Variants in NUP98 observed in about 807,000 individuals in gnomAD.
NUP98 encodes the protein nuclear pore complex protein Nup98-Nup96.
Under a neutral mutation model 191.9 loss-of-function variants are expected in NUP98, and 26 were observed. The ratio of observed to expected loss-of-function variants is 0.14; its 90% confidence interval spans 0.10 to 0.19. NUP98 has a LOEUF of 0.19. Among genes scored for constraint, NUP98 ranks in the 10% least tolerant of loss-of-function variants. NUP98 has a pLI of 1.00. For missense variants in NUP98, 1,941 were observed against 2,178.8 expected (o/e 0.89, Z 2.17); for synonymous variants, 808 against 778.4 (o/e 1.04, Z -0.63).
intron 10 of NUP98, 66 bp downstream of exon 10, chr11:3,760,472 TG>T: frequency 6.2e-7 from 1 of 1,613,244 alleles, no homozygotes; most frequent in Non-Finnish European, 8.5e-7. Context: ...GAGCCAAACC[TG>T]CTTTTTATAT....
intron 7 of NUP98, among the ~76,000 whole-genome samples, chr11:3,770,324 C>CA (rs1309386991): frequency 1.3e-5 from 2 of 151,846 alleles, no homozygotes; most frequent in Admixed American, 6.6e-5. Context: ...GACTCCGTCT[C>CA]AAAAAAATAA....
At chr11:3,752,791 G>C (rs1049492183) in intron 11 of NUP98, among the ~76,000 whole-genome samples, 3 of 152,116 alleles carry the variant, frequency 2.0e-5, no homozygotes, top group African/African-American at 7.2e-5. Flanking sequence ...AAAACAGCTG[G>C]GCAGGTAGAA....
chr11:3,744,407 T>C (rs2080409912), intron 12 of NUP98, 102 bp downstream of exon 12: 4 of 1,166,532 alleles, frequency 3.4e-6, no homozygotes, highest in Middle Eastern at 2.1e-4. Context: ...CATGCATGTA[T>C]GCAATGCCTT....
intron 1 of NUP98, among the ~76,000 whole-genome samples, chr11:3,785,373 C>T (rs1209705645): frequency 6.6e-6 from 1 of 152,194 alleles, no homozygotes; most frequent in East Asian, 1.9e-4. Context: ...CACCATCACT[C>T]ATTTACATCA....
At chr11:3,704,184 T>C (rs1056398340) in intron 22 of NUP98, among the ~76,000 whole-genome samples, 2 of 152,196 alleles carry the variant, frequency 1.3e-5, no homozygotes, top group African/African-American at 4.8e-5. Flanking sequence ...AAGTTAAAAA[T>C]ATTTTTAAAA....
At chr11:3,749,006 T>A (rs991766659) in intron 11 of NUP98, among the ~76,000 whole-genome samples, 1 of 150,866 alleles carries the variant, frequency 6.6e-6, no homozygotes, top group East Asian at 1.9e-4. Flanking sequence ...ACACAAAGAA[T>A]CCTTAAAAAT....
rs1244757594 is a variant in NUP98, at chr11:3,797,513, C to T, written c.-142G>A. 9.0e-6 allele frequency: 4 copies of T among 444,368 alleles called. No individual in the cohort carries two copies. Among genetic ancestry groups the T allele is most frequent in the Non-Finnish European group, 1.6e-5 (4 of 253,170 alleles). 27.5% of individuals were successfully genotyped at this position (444,368 alleles called of 1,614,324 possible). A position where few individuals can be genotyped will look rare whatever the true frequency, so the allele number is the denominator to read the frequency against. ...GCCGCCGCCGCTACCACCCCTGCCA[C>T]CGACCGCCGCTTCGGGCGCAGCGCG... On this transcript the variant is annotated 5_prime_UTR_variant, in exon 1 of 33. It adds an upstream start codon to the 5' untranslated region. Coordinates refer to ENST00000324932, the MANE Select transcript of NUP98 (RefSeq NM_016320.5).
At chr11:3,760,686 T>C (rs374207753) in intron 9 of NUP98, 60 bp from the exon 10 acceptor site, 20 of 1,433,996 alleles carry the variant, frequency 1.4e-5, no homozygotes, top group Non-Finnish European at 1.7e-5. Context: ...CCAAACTAAA[T>C]ACAGGTTACC....
At chr11:3,718,810 T>C (rs2079281006) in intron 18 of NUP98, among the ~76,000 whole-genome samples, 1 of 152,066 alleles carries the variant, frequency 6.6e-6, no homozygotes, top group Non-Finnish European at 1.5e-5. Context: ...TTTTTGAAAT[T>C]AGCAGTTGGA....
chr11:3,777,810 C>T (rs75241673), intron 4 of NUP98, among the ~76,000 whole-genome samples: 10,914 of 152,010 alleles, frequency 0.072, 415 homozygotes, highest in Middle Eastern at 0.1. Context: ...TTAAAGCAAA[C>T]AGGCACATTT....
intron 1 of NUP98, among the ~76,000 whole-genome samples, chr11:3,792,471 T>C (rs2082388684): frequency 6.6e-6 from 1 of 151,452 alleles, no homozygotes; most frequent in South Asian, 2.1e-4. Flanking sequence ...ATTAGCCAGA[T>C]GTGGTGGTAC....
At chr11:3,779,333 T>G (rs566613032) in intron 2 of NUP98, 76 bp from the exon 3 acceptor site, 13 of 1,190,606 alleles carry the variant, frequency 1.1e-5, no homozygotes, top group African/African-American at 1.1e-4. Flanking sequence ...AAAGGCATTT[T>G]AATATTTCTT....
At position 3,706,516 on chromosome 11, in the gene NUP98, C is replaced by T; in HGVS notation, c.2854G>A (p.Glu952Lys). The T allele has an allele frequency of 6.2e-7, 1 of 1,614,122 alleles. No homozygotes were observed. Among genetic ancestry groups the T allele is most frequent in the Non-Finnish European group, 8.5e-7 (1 of 1,180,004 alleles). Residue 952 changes from glutamate (E) to lysine (K), a missense_variant, in exon 21 of 33, where the codon GAG becomes AAG. Physicochemically the swap from Glu to Lys is moderately conservative, Grantham distance 56. Transcript: ENST00000324932. ...LDTMLEESMP[E>K]DQEPVSASTH... Reference sequence around the variant, plus strand: ...GAGGCAGACACAGGTTCCTGATCCTCAGGCATGCTCTCTTCTAACATGGTA... The same window carrying T: ...GAGGCAGACACAGGTTCCTGATCCTTAGGCATGCTCTCTTCTAACATGGTA...
chr11:3,768,352 C>T (rs1055678879), intron 8 of NUP98, among the ~76,000 whole-genome samples: 7 of 148,980 alleles, frequency 4.7e-5, no homozygotes, highest in Non-Finnish European at 7.4e-5. Context: ...ACCTGGGAGG[C>T]GGAGCTTGCA....
intron 31 of NUP98, 192 bp from the exon 32 acceptor site, chr11:3,676,812 A>G (rs2077827703): frequency 1.4e-6 from 1 of 706,210 alleles, no homozygotes; most frequent in Non-Finnish European, 2.6e-6. Context: ...AGCCAAGAGG[A>G]AGGTAACACA....
intron 22 of NUP98, among the ~76,000 whole-genome samples, chr11:3,703,216 C>T (rs1353081301): frequency 9.3e-5 from 13 of 139,156 alleles, no homozygotes; most frequent in East Asian, 2.1e-4. Context: ...TCTTCAAAAA[C>T]TTTTTTTTTT....
At chr11:3,757,805 GAA>G (rs1344975744) in intron 10 of NUP98, among the ~76,000 whole-genome samples, 1 of 151,534 alleles carries the variant, frequency 6.6e-6, no homozygotes, top group Non-Finnish European at 1.5e-5. Flanking sequence ...GTCTCAAAAA[GAA>G]AGAAAAGAAA....
chr11:3,740,068 G>T (rs1047876977), intron 12 of NUP98, among the ~76,000 whole-genome samples: 9 of 152,112 alleles, frequency 5.9e-5, no homozygotes, highest in African/African-American at 1.9e-4. Context: ...AACTGTGTGG[G>T]GGTCAGCACC....
intron 6 of NUP98, 95 bp from the exon 7 acceptor site, chr11:3,772,023 G>A: frequency 9.9e-7 from 1 of 1,011,468 alleles, no homozygotes; most frequent in Non-Finnish European, 1.5e-6. Context: ...CAAGTTCTAT[G>A]TTCACATAGG....
Sources: allele counts gnomAD v4.1 joint callset (sites outside exome capture counted in the v4.1 genomes callset), GRCh38; gene constraint gnomAD v4.1.1; transcripts MANE v1.5; gene names NCBI Gene and HGNC (gene_info 2026-07-23, HGNC 2026-07-21).